The following MDFI variants were observed in gnomAD, a reference collection of about 807,000 sequenced individuals.
The protein encoded by MDFI is MyoD family inhibitor.
A neutral mutation model predicts 22.3 loss-of-function variants in MDFI; 16 were observed. That is an observed-to-expected ratio of 0.72 (90% CI 0.49 to 1.09). The LOEUF is 1.09. MDFI is among the 50% of genes least tolerant of loss of function. The probability of loss-of-function intolerance (pLI) is 0.00; values close to 1 mark genes in which losing one functional copy is unlikely to be tolerated. For missense variants in MDFI, 314 were observed against 326.1 expected (o/e 0.96, Z 0.29); for synonymous variants, 145 against 142.7 (o/e 1.02, Z -0.12).
At chr6:41,646,369 A>G (rs2127431823) in intron 3 of MDFI, 61 bp downstream of exon 3, 1 of 1,342,720 alleles carries the variant, frequency 7.4e-7, no homozygotes, top group Non-Finnish European at 9.6e-7. Flanking sequence ...AGGGAACTCA[A>G]CCCAAATGGG....
intron 2 of MDFI, among the ~76,000 whole-genome samples, chr6:41,644,142 G>T (rs998579486): frequency 6.6e-6 from 1 of 152,138 alleles, no homozygotes; most frequent in Non-Finnish European, 1.5e-5. Flanking sequence ...TAGCACCAGC[G>T]TCTCCACTTG....
intron 4 of MDFI, among the ~76,000 whole-genome samples, chr6:41,651,896 A>G (rs532859440): frequency 6.0e-4 from 92 of 152,356 alleles, no homozygotes; most frequent in African/African-American, 2.1e-3. Context: ...ATGCATTTCT[A>G]TTCTATTCAC....
chr6:41,643,802 A>C (rs1767949996), intron 2 of MDFI, among the ~76,000 whole-genome samples: 1 of 150,418 alleles, frequency 6.6e-6, no homozygotes, highest in Non-Finnish European at 1.5e-5. Flanking sequence ...TGAGATTAGG[A>C]CTGCAAAGTA....
At chr6:41,650,794 G>A (rs986264736) in intron 4 of MDFI, among the ~76,000 whole-genome samples, 10 of 151,642 alleles carry the variant, frequency 6.6e-5, no homozygotes, top group Non-Finnish European at 1.2e-4. Flanking sequence ...GCTTGGTCTC[G>A]AACTCCTGAC....
In MDFI at chr6:41,640,493, G is replaced by A. The variant is rs530689876; in HGVS notation, c.76+1668G>A. ...CAGCCTGGGCTGGGCCAGACAATGC[G>A]GCTTTCATAACTCAAGGCTTCGCTC... On this transcript the variant is annotated intron_variant, in intron 2 of 4. Coordinates refer to ENST00000230321, the MANE Select transcript of MDFI (RefSeq NM_005586.4). Among the ~76,000 whole-genome samples the A allele has an allele frequency of 1.7e-4, 26 of 152,226 alleles. 1 individual carries two copies. Among genetic ancestry groups the A allele is most frequent in the Admixed American group, 4.6e-4 (7 of 15,298 alleles).
intron 3 of MDFI, 144 bp from the exon 4 acceptor site, chr6:41,649,475 C>T: frequency 1.4e-6 from 1 of 737,662 alleles, no homozygotes; most frequent in Non-Finnish European, 2.3e-6. Flanking sequence ...CTCTCTGGGC[C>T]TCAGTTTCCC....
intron 3 of MDFI, 106 bp downstream of exon 3, chr6:41,646,414 C>T: frequency 2.9e-6 from 3 of 1,026,568 alleles, no homozygotes; most frequent in Non-Finnish European, 3.9e-6. Context: ...TGGCCAGAAC[C>T]TTGAGTGTGG....
chr6:41,646,182 G>A lies in MDFI; in HGVS notation c.133G>A (p.Ala45Thr). ...LEVVTGSTHPAEAAPEEGSLE... is the reference protein window; with the variant it reads ...LEVVTGSTHPTEAAPEEGSLE... ...GGTAGTAACAGGATCCACTCACCCT[G>A]CGGAGGCAGCACCAGAGGAGGGCTC... The change falls in exon 3 of 5, where the codon GCG becomes ACG. Residue 45 changes from alanine (A) to threonine (T), a missense_variant. Coordinates refer to ENST00000230321, the MANE Select transcript of MDFI (RefSeq NM_005586.4). 1.9e-6 allele frequency: 3 copies of A among 1,590,068 alleles called. No homozygotes were observed. The South Asian group carries it at 3.4e-5, about 18-fold the overall frequency.
At chr6:41,639,111 T>A (rs28382276) in intron 2 of MDFI, 2 of 528,008 alleles carry the variant, frequency 3.8e-6, no homozygotes, top group Non-Finnish European at 2.4e-6. Flanking sequence ...CACACACACA[T>A]ACACTCCGCG....
Position 41,653,462 on chromosome 6 carries a change from G to T in MDFI, c.628G>T (p.Ala210Ser), listed in dbSNP as rs774841552. The change falls in exon 5 of 5, where the codon GCC (alanine) becomes TCC (serine). Residue 210 changes from alanine (A) to serine (S), a missense_variant. Coordinates refer to ENST00000230321, the MANE Select transcript of MDFI (RefSeq NM_005586.4). This position sits in a 1 kb window ranked among gnomAD's most constrained non-coding sequence, Gnocchi z 4.2. ...CCCCCGSGECADCDLPCDLDC... is the reference protein window; with the variant it reads ...CCCCCGSGECSDCDLPCDLDC... Reference sequence around the variant, plus strand: ...CTGCTGCTGTGGCTCTGGCGAGTGTGCCGACTGCGACCTGCCCTGCGACCT... The same window carrying T: ...CTGCTGCTGTGGCTCTGGCGAGTGTTCCGACTGCGACCTGCCCTGCGACCT... The T allele has an allele frequency of 3.1e-6, 5 of 1,604,584 alleles. No homozygotes were observed. The African/African-American group carries it at 5.3e-5, about 17-fold the overall frequency.
In MDFI at chr6:41,646,465, C is replaced by T. The variant is rs1423917443; in HGVS notation, c.259+157C>T. The stretch of plus-strand genomic sequence containing the variant: ...AAAGGGGAAGGGCACTGTCACTGTG[C>T]TTTCTGTCAAGGGGAAGACCTCCAC... On this transcript the variant is annotated intron_variant, in intron 3 of 4. Coordinates refer to ENST00000230321, the MANE Select transcript of MDFI (RefSeq NM_005586.4). Among the ~76,000 whole-genome samples the T allele has an allele frequency of 2.0e-5, 3 of 152,166 alleles. No homozygotes were observed. In the East Asian group the frequency reaches 5.8e-4, roughly 29 times the overall value.
At chr6:41,649,141 T>G (rs1768164762) in intron 3 of MDFI, among the ~76,000 whole-genome samples, 1 of 152,164 alleles carries the variant, frequency 6.6e-6, no homozygotes. Context: ...AAACAGATGT[T>G]TCCAATAAAT....
intron 3 of MDFI, among the ~76,000 whole-genome samples, chr6:41,648,295 AC>A (rs1316206169): frequency 6.6e-6 from 1 of 152,054 alleles, no homozygotes; most frequent in Non-Finnish European, 1.5e-5. Flanking sequence ...TAGCTATGTG[AC>A]CTTGGGCAAC....
At chr6:41,639,238 C>A in intron 2 of MDFI, 1 of 985,342 alleles carries the variant, frequency 1.0e-6, no homozygotes, top group South Asian at 4.7e-5. Flanking sequence ...TCCCTTCCCC[C>A]AGCCCAACCA....
rs773706343 is a variant in MDFI, at chr6:41,638,771, C to G, written c.22C>G (p.Arg8Gly). Residue 8 changes from arginine (R) to glycine (G), a missense_variant, in exon 2 of 5, where the codon CGC (arginine) becomes GGC (glycine). Physicochemically the swap from Arg to Gly is moderately radical, Grantham distance 125. Transcript: ENST00000230321. The surrounding 1 kb of genome is among the most constrained non-coding windows in gnomAD (Gnocchi z 7.6). ...GCCGATGTACCAGGTGAGCGGCCAG[C>G]GCCCCTCTGGCTGCGACGCGCCCTA... MYQVSGQ[R>G]PSGCDAPYGA... 6.4e-7 allele frequency: 1 copy of G among 1,570,830 alleles called. No individual in the cohort carries two copies. The highest frequency in any genetic ancestry group is 8.6e-7 in the Non-Finnish European group (1 of 1,164,264).
chr6:41,639,311 C>T (rs1368019566), intron 2 of MDFI: 6 of 985,424 alleles, frequency 6.1e-6, no homozygotes, highest in Non-Finnish European at 7.2e-6. Context: ...AGCCCCTCCC[C>T]TCTTTCTTGC....
At chr6:41,639,332 C>A in intron 2 of MDFI, 1 of 985,404 alleles carries the variant, frequency 1.0e-6, no homozygotes, top group South Asian at 4.7e-5. Flanking sequence ...CATCCCTTCT[C>A]CCTCGCCTTC....
chr6:41,639,997 C>T, intron 2 of MDFI: 1 of 891,404 alleles, frequency 1.1e-6, no homozygotes, highest in Non-Finnish European at 1.3e-6. Context: ...TGGCCAACAG[C>T]CAGCACATAG....
intron 4 of MDFI, among the ~76,000 whole-genome samples, chr6:41,651,745 C>T (rs1768279026): frequency 1.3e-5 from 2 of 152,128 alleles, no homozygotes; most frequent in Admixed American, 1.3e-4. Flanking sequence ...CCCAGGGGGC[C>T]CCCTGGCCAG....
Sources: gnomAD v4.1 joint callset for allele counts (sites outside exome capture counted in the v4.1 genomes callset) on GRCh38, gnomAD v4.1.1 for gene constraint, Gnocchi (gnomAD v3.1) non-coding constraint, MANE v1.5 for transcripts, NCBI Gene and HGNC (gene_info 2026-07-23, HGNC 2026-07-21) for gene names.